ZBTB16: variants seen among roughly 807,000 people sequenced by gnomAD.
The protein encoded by ZBTB16 is zinc finger and BTB domain containing 16, also known as zinc finger and BTB domain-containing protein 16.
A neutral mutation model predicts 56.8 loss-of-function variants in ZBTB16; 8 were observed. That is an observed-to-expected ratio of 0.14 (90% CI 0.08 to 0.25). ZBTB16 has a LOEUF of 0.25. ZBTB16 is among the 10% of genes least tolerant of loss of function. The pLI, the probability that ZBTB16 is intolerant of heterozygous loss-of-function variation, is 1.00. For synonymous variants in ZBTB16, 363 were observed against 368.5 expected, an observed-to-expected ratio of 0.98 and a Z score of 0.17; for missense variants, 625 against 903.0, an observed-to-expected ratio of 0.69 and a Z score of 3.95.
intron 2 of ZBTB16, among the ~76,000 whole-genome samples, chr11:114,113,021 C>T (rs1024131272): frequency 3.3e-5 from 5 of 152,154 alleles, no homozygotes; most frequent in African/African-American, 1.2e-4. Flanking sequence ...GCCATTCTCC[C>T]GCTTAGGCCT....
chr11:114,140,792 G>A lies in ZBTB16; in HGVS notation c.1269-15545G>A, dbSNP rs141032869. Among the ~76,000 whole-genome samples, 973 of 152,330 alleles carry A rather than the reference G, an allele frequency of 6.4e-3. 5 individuals carry two copies. Among genetic ancestry groups the A allele is most frequent in the Non-Finnish European group, 0.01 (707 of 68,036 alleles). ...CCTTCCTAGGGAATAGCAATGTCCT[G>A]TAGATGTGTGACAGTGATACCATGT... On this transcript the variant is annotated intron_variant, in intron 2 of 6. Coordinates refer to ENST00000335953, the MANE Select transcript of ZBTB16 (RefSeq NM_006006.6).
chr11:114,116,530 C>T (rs544207882), intron 2 of ZBTB16, among the ~76,000 whole-genome samples: 6 of 152,234 alleles, frequency 3.9e-5, no homozygotes, highest in Admixed American at 1.3e-4. Flanking sequence ...GTCATTGCAT[C>T]GTCATCTTCT....
chr11:114,192,527 G>A (rs1488479071), intron 4 of ZBTB16, among the ~76,000 whole-genome samples: 1 of 152,196 alleles, frequency 6.6e-6, no homozygotes, highest in Non-Finnish European at 1.5e-5. Flanking sequence ...CAGTATTTCA[G>A]CGTTCTTGTC....
At chr11:114,204,099 G>T (rs1165304298) in intron 4 of ZBTB16, among the ~76,000 whole-genome samples, 3 of 151,974 alleles carry the variant, frequency 2.0e-5, no homozygotes, top group Non-Finnish European at 2.9e-5. Context: ...CTTCAGTGTG[G>T]GGAAATTAGA....
intron 1 of ZBTB16, among the ~76,000 whole-genome samples, chr11:114,062,249 G>A (rs952992937): frequency 2.6e-5 from 4 of 152,028 alleles, no homozygotes; most frequent in African/African-American, 7.2e-5. Flanking sequence ...GATTACAGGC[G>A]GGTGCCACCG....
chr11:114,071,406 T>A (rs1939343864), intron 2 of ZBTB16, among the ~76,000 whole-genome samples: 1 of 152,192 alleles, frequency 6.6e-6, no homozygotes, highest in African/African-American at 2.4e-5. Flanking sequence ...CCATTTTAAT[T>A]TGCCATCACT....
Position 114,089,920 on chromosome 11 carries a change from A to C in ZBTB16, c.1268+25352A>C, listed in dbSNP as rs138720754. 1.0e-2 allele frequency among the ~76,000 whole-genome samples: 1,521 copies of C among 152,294 alleles called. 14 individuals carry two copies. Among genetic ancestry groups the C allele is most frequent in the Middle Eastern group, 0.02 (6 of 294 alleles). On this transcript the variant is annotated intron_variant, in intron 2 of 6. Transcript: ENST00000335953. ...CATGTGGGTCTCTGCCCCTGCTTGC[A>C]GCCTCCCTGGGGCAGCCAGCCAGGC...
intron 2 of ZBTB16, among the ~76,000 whole-genome samples, chr11:114,090,928 T>C (rs1414643571): frequency 6.6e-6 from 1 of 152,242 alleles, no homozygotes; most frequent in Admixed American, 6.5e-5. Flanking sequence ...CCTCTGAGTT[T>C]CAGATTTCAT....
At chr11:114,167,732 G>A (rs1269181901) in intron 3 of ZBTB16, among the ~76,000 whole-genome samples, 1 of 151,850 alleles carries the variant, frequency 6.6e-6, no homozygotes, top group Non-Finnish European at 1.5e-5. Flanking sequence ...TTATCATCCC[G>A]GCAACAGCTA....
chr11:114,181,671 G>A (rs555928216), intron 3 of ZBTB16, among the ~76,000 whole-genome samples: 1 of 152,260 alleles, frequency 6.6e-6, no homozygotes, highest in Non-Finnish European at 1.5e-5. Flanking sequence ...GCCCACAGCT[G>A]TGAGTGGCCA....
chr11:114,112,192 A>C (rs1341180826), intron 2 of ZBTB16, among the ~76,000 whole-genome samples: 1 of 152,202 alleles, frequency 6.6e-6, no homozygotes, highest in African/African-American at 2.4e-5. Context: ...TATAAATCAG[A>C]AAAATGAATC....
intron 2 of ZBTB16, among the ~76,000 whole-genome samples, chr11:114,104,519 T>G (rs942946567): frequency 1.3e-5 from 2 of 152,224 alleles, no homozygotes; most frequent in East Asian, 1.9e-4. Context: ...CAGTCAGCAC[T>G]GGGGCCTCTA....
chr11:114,080,557 G>A (rs533828833), intron 2 of ZBTB16, among the ~76,000 whole-genome samples: 2 of 152,240 alleles, frequency 1.3e-5, no homozygotes, highest in African/African-American at 2.4e-5. Flanking sequence ...ATAAATAAAA[G>A]CAAAATGCTT....
chr11:114,071,032 G>A (rs911397896), intron 2 of ZBTB16, among the ~76,000 whole-genome samples: 4 of 152,102 alleles, frequency 2.6e-5, no homozygotes, highest in Non-Finnish European at 5.9e-5. Flanking sequence ...TTTTTTCATC[G>A]TGAGCCTTAA....
At chr11:114,127,366 C>T (rs1269676837) in intron 2 of ZBTB16, among the ~76,000 whole-genome samples, 1 of 152,124 alleles carries the variant, frequency 6.6e-6, no homozygotes, top group Non-Finnish European at 1.5e-5. Flanking sequence ...CACGGATGGG[C>T]CAGAATCAGA....
At chr11:114,234,188 G>GA (rs1207143940) in intron 4 of ZBTB16, among the ~76,000 whole-genome samples, 3 of 152,154 alleles carry the variant, frequency 2.0e-5, no homozygotes, top group African/African-American at 7.2e-5. Context: ...AGAAAGGAAG[G>GA]AAAAAGGGGC....
rs1007439945 is a variant in ZBTB16 at position 114,186,866 on chromosome 11, T to A, written c.1367-86T>A. 53 of 1,323,400 alleles carry A rather than the reference T, an allele frequency of 4.0e-5. No homozygotes were observed. The African/African-American group carries it at 6.4e-4, about 16-fold the overall frequency. 82.0% of individuals were successfully genotyped at this position (1,323,400 alleles called of 1,614,324 possible). ...GCGGGTGTCCAGTCCCCTTCCCTAG[T>A]GTCTACCTGCACAGTTGTGGCCCAG... On this transcript the variant is annotated intron_variant, in intron 3 of 6. Transcript: ENST00000335953.
At chr11:114,192,289 C>A (rs993298927) in intron 4 of ZBTB16, among the ~76,000 whole-genome samples, 1 of 152,190 alleles carries the variant, frequency 6.6e-6, no homozygotes, top group Admixed American at 6.5e-5. Flanking sequence ...AAAAGCTAGG[C>A]TGGAAGTACA....
At chr11:114,149,497 A>G (rs139904052) in intron 2 of ZBTB16, among the ~76,000 whole-genome samples, 162 of 152,194 alleles carry the variant, frequency 1.1e-3, no homozygotes, top group African/African-American at 3.8e-3. Context: ...GTTAACTAGC[A>G]CTCAGTTAGT....
Sources: allele counts gnomAD v4.1 joint callset (sites outside exome capture counted in the v4.1 genomes callset), GRCh38; gene constraint gnomAD v4.1.1; transcripts MANE v1.5; gene names NCBI Gene and HGNC (gene_info 2026-07-23, HGNC 2026-07-21).